CFAP61: variants seen among roughly 807,000 people sequenced by gnomAD.
The protein encoded by CFAP61 is cilia and flagella associated protein 61, also known as cilia- and flagella-associated protein 61.
In CFAP61, 107 loss-of-function variants were observed where a neutral mutation model predicts 135.6. The observed-to-expected ratio is 0.79, with a 90% CI of 0.67 to 0.93. CFAP61 has a LOEUF of 0.93. Among genes scored for constraint, CFAP61 ranks in the 40% least tolerant of loss-of-function variants. CFAP61 has a pLI of 0.00. For missense variants in CFAP61, 1,507 were observed against 1,556.2 expected, an observed-to-expected ratio of 0.97 and a Z score of 0.53; for synonymous variants, 575 against 578.5, an observed-to-expected ratio of 0.99 and a Z score of 0.09.
chr20:20,292,920 G>A (rs1473869380), intron 24 of CFAP61, among the ~76,000 whole-genome samples: 1 of 152,174 alleles, frequency 6.6e-6, no homozygotes, highest in Non-Finnish European at 1.5e-5. Flanking sequence ...AAGGGGTGGG[G>A]AATAGAGAAT....
intron 18 of CFAP61, chr20:20,228,642 G>A: frequency 6.8e-6 from 2 of 294,192 alleles, no homozygotes; most frequent in Non-Finnish European, 1.3e-5. Context: ...GTTGTCTGTG[G>A]CCATTTTTGT....
chr20:20,253,738 T>C (rs575798874), intron 20 of CFAP61: 5 of 304,244 alleles, frequency 1.6e-5, no homozygotes, highest in Non-Finnish European at 3.3e-5. Flanking sequence ...GATATATGCA[T>C]ACCCTGACGG....
chr20:20,135,111 A>C (rs1209949473), intron 8 of CFAP61, among the ~76,000 whole-genome samples: 1 of 152,140 alleles, frequency 6.6e-6, no homozygotes, highest in Admixed American at 6.5e-5. Context: ...TAAAGACAGA[A>C]AAGGAAAAGG....
At chr20:20,241,473 G>GT (rs1335053838) in intron 18 of CFAP61, among the ~76,000 whole-genome samples, 4 of 152,136 alleles carry the variant, frequency 2.6e-5, no homozygotes, top group Non-Finnish European at 5.9e-5. Flanking sequence ...TATAGGTTAG[G>GT]TTTTTTAAAA....
At chr20:20,217,833 C>T (rs1389663343) in intron 17 of CFAP61, among the ~76,000 whole-genome samples, 1 of 152,184 alleles carries the variant, frequency 6.6e-6, no homozygotes, top group Non-Finnish European at 1.5e-5. Context: ...GTGTCTGCTT[C>T]TTGTATTGCC....
chr20:20,337,564 G>GGATA (rs2058268834), intron 25 of CFAP61, among the ~76,000 whole-genome samples: 1 of 1,666 alleles, frequency 6.0e-4, no homozygotes, highest in Non-Finnish European at 4.5e-3. Context: ...ATGGATGGAT[G>GGATA]GATGGATGGA....
At chr20:20,341,648 G>A (rs1374058971) in intron 25 of CFAP61, among the ~76,000 whole-genome samples, 183 bp from the exon 26 acceptor site, 2 of 152,130 alleles carry the variant, frequency 1.3e-5, no homozygotes, top group African/African-American at 4.8e-5. Flanking sequence ...ATGGGACCTG[G>A]CCTTACAGCA....
chr20:20,059,326 CAAAAAAAAAAAAAA>C (rs11458923), intron 2 of CFAP61, among the ~76,000 whole-genome samples: 2,184 of 45,630 alleles, frequency 0.048, 109 homozygotes, highest in African/African-American at 0.17. Flanking sequence ...GACTCTGTCT[CAAAAAAAAAAAAAA>C]AAAAAAAAAA....
In CFAP61 at chr20:20,090,897, T is replaced by G; in HGVS notation, c.620T>G (p.Leu207Arg). ...ATATTTATGCGCTATGACACAATTC[T>G]GAAGGAAACTTACGGTGAATACTTC... ...MPIFMRYDTI[L>R]KETYGEYFLA... The change falls in exon 7 of 27, where the codon CTG becomes CGG. Residue 207 changes from leucine (L) to arginine (R), a missense_variant. By Grantham distance (102) the Leu-to-Arg change is moderately radical (BLOSUM62 -2). Coordinates refer to ENST00000245957, the MANE Select transcript of CFAP61 (RefSeq NM_015585.4). The G allele has an allele frequency of 6.2e-7, 1 of 1,614,108 alleles. No homozygotes were observed. The highest frequency in any genetic ancestry group is 8.5e-7 in the Non-Finnish European group (1 of 1,180,002).
intron 25 of CFAP61, among the ~76,000 whole-genome samples, chr20:20,338,159 C>T (rs988199391): frequency 1.3e-5 from 2 of 152,210 alleles, no homozygotes; most frequent in South Asian, 2.1e-4. Context: ...ATGCTCCATC[C>T]TCTGGCATCA....
chr20:20,313,078 A>G (rs1157479463), intron 25 of CFAP61, among the ~76,000 whole-genome samples: 1 of 152,152 alleles, frequency 6.6e-6, no homozygotes, highest in Non-Finnish European at 1.5e-5. Context: ...CCCCTATGTG[A>G]CTGTATCTGG....
At chr20:20,105,861 G>A (rs1380332361) in intron 8 of CFAP61, among the ~76,000 whole-genome samples, 13 of 149,618 alleles carry the variant, frequency 8.7e-5, no homozygotes, top group Middle Eastern at 3.5e-3. Context: ...GGATGGTCTC[G>A]ATCTCCTGAC....
At chr20:20,103,852 A>G (rs1883798) in intron 8 of CFAP61, among the ~76,000 whole-genome samples, 120,734 of 152,154 alleles carry the variant, frequency 0.79, 48,260 homozygotes, top group East Asian at 0.99. Context: ...ATAGGGCACA[A>G]CCTGCATTTC....
chr20:20,288,459 C>T (rs1448727327), intron 22 of CFAP61, 150 bp from the exon 23 acceptor site: 1 of 647,598 alleles, frequency 1.5e-6, no homozygotes, highest in Admixed American at 2.6e-5. Flanking sequence ...CAATCTATCT[C>T]TCATACGCAC....
intron 25 of CFAP61, among the ~76,000 whole-genome samples, chr20:20,330,048 C>G (rs6046799): frequency 0.29 from 43,835 of 152,146 alleles, 6,689 homozygotes; most frequent in South Asian, 0.41. Context: ...AACAGACTCA[C>G]TTTCTTCACC....
At position 20,360,293 on chromosome 20, in the gene CFAP61, C is replaced by T. The variant is rs1471147470; in HGVS notation, c.3597C>T (p.Tyr1199=). 6 of 1,613,876 alleles carry T rather than the reference C, an allele frequency of 3.7e-6. No individual in the cohort carries two copies. Among genetic ancestry groups the T allele is most frequent in the Admixed American group, 1.7e-5 (1 of 60,012 alleles). Residue 1199 remains tyrosine, a synonymous_variant, in exon 27 of 27, where the codon TAC becomes TAT. Coordinates refer to ENST00000245957, the MANE Select transcript of CFAP61 (RefSeq NM_015585.4). ...EINPTEKPRQ[Y]LKRVFEESIY... The stretch of plus-strand genomic sequence containing the variant: ...ACCCGACTGAGAAGCCCAGGCAATA[C>T]CTCAAAAGAGTTTTTGAGGAATCCA...
intron 8 of CFAP61, among the ~76,000 whole-genome samples, chr20:20,101,384 A>T (rs894578106): frequency 5.9e-5 from 9 of 152,170 alleles, no homozygotes; most frequent in African/African-American, 2.2e-4. Flanking sequence ...AACTTGGTGT[A>T]GGAGAGCTAG....
rs1208157861 is a variant in CFAP61 at position 20,295,991 on chromosome 20, C to CTCCT, written c.3217-2174_3217-2171dup. Among the ~76,000 whole-genome samples the CTCCT allele has an allele frequency of 9.0e-5, 8 of 89,010 alleles. 1 individual carries two copies. The highest frequency in any genetic ancestry group is 3.5e-4 in the South Asian group (1 of 2,836). The allele number at this position is 89,010 out of a possible 152,430, so 58.4% of individuals were successfully genotyped here. ...TGCACACCAACGCCTGCATGCTTCCCTCCTTCCTTCCTTCCTTCCCTCCTT... is the reference window on the plus strand; with the variant it reads ...TGCACACCAACGCCTGCATGCTTCCCTCCTTCCTTCCTTCCTTCCTTCCCTCCTT... On this transcript the variant is annotated intron_variant, in intron 24 of 26. Transcript: ENST00000245957.
chr20:20,095,014 AAAATT>A (rs2047465052), intron 7 of CFAP61, among the ~76,000 whole-genome samples: 1 of 152,224 alleles, frequency 6.6e-6, no homozygotes, highest in African/African-American at 2.4e-5. Flanking sequence ...GCTATTATTA[AAAATT>A]AAATTATAGA....
Sources: allele counts gnomAD v4.1 joint callset (sites outside exome capture counted in the v4.1 genomes callset), GRCh38; gene constraint gnomAD v4.1.1; transcripts MANE v1.5; gene names NCBI Gene and HGNC (gene_info 2026-07-23, HGNC 2026-07-21).